ANKFY1: variants seen among roughly 807,000 people sequenced by gnomAD.
The protein encoded by ANKFY1 is ankyrin repeat and FYVE domain-containing protein 1.
Under a neutral mutation model 128.3 loss-of-function variants are expected in ANKFY1, and 47 were observed. The ratio of observed to expected loss-of-function variants is 0.37; its 90% CI spans 0.29 to 0.47. ANKFY1 has a LOEUF of 0.47. Among genes scored for constraint, ANKFY1 ranks in the 20% least tolerant of loss-of-function variants. ANKFY1 has a pLI of 1.00. For synonymous variants in ANKFY1, 553 were observed against 601.6 expected (o/e 0.92, Z 1.18); for missense variants, 1,222 against 1,510.6 (o/e 0.81, Z 3.17).
intron 3 of ANKFY1, chr17:4,223,486 G>C: frequency 1.7e-6 from 2 of 1,145,346 alleles, no homozygotes; most frequent in Admixed American, 3.4e-5. Context: ...CCGTCTCATG[G>C]ACTATCACTG....
chr17:4,232,728 A>G (rs1567965160), intron 3 of ANKFY1, among the ~76,000 whole-genome samples: 1 of 152,356 alleles, frequency 6.6e-6, no homozygotes, highest in South Asian at 2.1e-4. Context: ...CACTGAATTA[A>G]GGCCAGACAG....
chr17:4,168,978 T>G, intron 24 of ANKFY1: 1 of 528,966 alleles, frequency 1.9e-6, no homozygotes, highest in African/African-American at 1.9e-5. Context: ...ACCTTCAGCC[T>G]CCAGCAGGAA....
At chr17:4,206,238 T>C in intron 7 of ANKFY1, 83 bp downstream of exon 7, 1 of 1,476,014 alleles carries the variant, frequency 6.8e-7, no homozygotes, top group Non-Finnish European at 9.3e-7. Context: ...TTGAGAATTT[T>C]GGGAACAAGG....
intron 5 of ANKFY1, 148 bp from the exon 6 acceptor site, chr17:4,208,230 G>GAAGT: frequency 1.5e-6 from 1 of 653,296 alleles, no homozygotes; most frequent in Non-Finnish European, 2.4e-6. Context: ...AAAACCCAAT[G>GAAGT]AAGTAAGTAC....
At chr17:4,243,129 C>T (rs146133330) in intron 1 of ANKFY1, among the ~76,000 whole-genome samples, 1,586 of 152,102 alleles carry the variant, frequency 0.01, 15 homozygotes, top group Admixed American at 0.013. Context: ...TGCAGTGGTG[C>T]GATCTGGGCT....
intron 7 of ANKFY1, among the ~76,000 whole-genome samples, chr17:4,198,316 G>A (rs1007837831): frequency 4.6e-5 from 7 of 151,288 alleles, no homozygotes; most frequent in African/African-American, 7.3e-5. Context: ...TTGCATTCAC[G>A]TTCCTACTCA....
Position 4,167,081 on chromosome 17 carries a change from G to A in ANKFY1, c.*698C>T, listed in dbSNP as rs184642263. On this transcript the variant is annotated 3_prime_UTR_variant, in exon 25 of 25. Transcript: ENST00000341657. The surrounding 1 kb of genome is among the most constrained non-coding windows in gnomAD (Gnocchi z 4.1). ...ACGCAGCAAGACGAGAGAATGAGAC[G>A]GCTGCTACGAGGTGTCAAGCGGCCC... The A allele has an allele frequency of 8.5e-5, 13 of 152,684 alleles. No homozygotes were observed. Among genetic ancestry groups the A allele is most frequent in the Non-Finnish European group, 1.5e-4 (10 of 68,012 alleles). 9.5% of individuals were successfully genotyped at this position (152,684 alleles called of 1,614,324 possible).
At chr17:4,177,359 C>T in intron 18 of ANKFY1, 57 bp from the exon 19 acceptor site, 1 of 1,476,492 alleles carries the variant, frequency 6.8e-7, no homozygotes, top group South Asian at 1.4e-5. Flanking sequence ...ACCTCCTGAG[C>T]TTCATCTGCA....
At position 4,167,998 on chromosome 17, in the gene ANKFY1, G is replaced by A. The variant is rs913026716; in HGVS notation, c.3378-87C>T. ...CGTGAGGACAACCGCAGCAGGGCCT[G>A]GCAGCCAAGGCGCCCGCAATGCTAC... On this transcript the variant is annotated intron_variant, in intron 24 of 24. Transcript: ENST00000341657. The surrounding 1 kb of genome is among the most constrained non-coding windows in gnomAD (Gnocchi z 4.1). The A allele has an allele frequency of 8.9e-6, 13 of 1,453,700 alleles. No homozygotes were observed. Among genetic ancestry groups the A allele is most frequent in the Non-Finnish European group, 1.2e-5 (13 of 1,080,340 alleles). 90.1% of individuals were successfully genotyped at this position (1,453,700 alleles called of 1,614,324 possible). A position where few individuals can be genotyped will look rare whatever the true frequency, so the allele number is the denominator to read the frequency against.
In ANKFY1 at chr17:4,179,743, A is replaced by G; in HGVS notation, c.2375T>C (p.Phe792Ser). ...CACCTGTGCGTTCACGTTGGCACCA[A>G]ACTCCAGAAGACACTGTACTGTCTC... The part of the protein sequence containing the change: ...LEETVQCLLE[F>S]GANVNAQDAE... The change falls in exon 17 of 25, where the codon TTT becomes TCT. Residue 792 changes from phenylalanine (F) to serine (S), a missense_variant. Phe to Ser is a radical substitution (Grantham distance 155). Transcript: ENST00000341657. 1 of 1,614,184 alleles carries G rather than the reference A, an allele frequency of 6.2e-7. No individual in the cohort carries two copies. The highest frequency in any genetic ancestry group is 2.2e-5 in the East Asian group (1 of 44,890).
chr17:4,178,795 C>T lies in ANKFY1; in HGVS notation c.2598+62G>A. 6.6e-7 allele frequency: 1 copy of T among 1,505,768 alleles called. No individual in the cohort carries two copies. Among genetic ancestry groups the T allele is most frequent in the Non-Finnish European group, 9.2e-7 (1 of 1,087,130 alleles). The allele number at this position is 1,505,768 out of a possible 1,614,324, so 93.3% of individuals were successfully genotyped here. A position where few individuals can be genotyped will look rare whatever the true frequency, so the allele number is the denominator to read the frequency against. On this transcript the variant is annotated intron_variant, in intron 18 of 24. Coordinates refer to ENST00000341657, the MANE Select transcript of ANKFY1 (RefSeq NM_001330063.2). The surrounding 1 kb of genome is among the most constrained non-coding windows in gnomAD (Gnocchi z 4.1). Reference sequence around the variant, plus strand: ...GACCTGTTTAGTCGGTGACATCTGTCTAGTCTCCAGGTTCCGCGACGCCCA... The same window carrying T: ...GACCTGTTTAGTCGGTGACATCTGTTTAGTCTCCAGGTTCCGCGACGCCCA...
intron 2 of ANKFY1, among the ~76,000 whole-genome samples, chr17:4,238,616 G>C: frequency 6.6e-6 from 1 of 152,040 alleles, no homozygotes; most frequent in Admixed American, 6.6e-5. Flanking sequence ...TGGGATTACA[G>C]GTGCGCGCCA....
intron 19 of ANKFY1, among the ~76,000 whole-genome samples, chr17:4,176,822 A>G (rs2059419096): frequency 1.3e-5 from 2 of 152,268 alleles, no homozygotes; most frequent in South Asian, 4.1e-4. Flanking sequence ...TCAAAGTCCC[A>G]GTTGAATGCC....
chr17:4,193,202 CAT>C (rs111352275), intron 10 of ANKFY1, among the ~76,000 whole-genome samples: 4,278 of 152,282 alleles, frequency 0.028, 196 homozygotes, highest in African/African-American at 0.097. Flanking sequence ...TTTTCAAACA[CAT>C]GTCAGACTTT....
chr17:4,216,221 G>T (rs532866881), intron 4 of ANKFY1, among the ~76,000 whole-genome samples: 1 of 152,286 alleles, frequency 6.6e-6, no homozygotes, highest in African/African-American at 2.4e-5. Context: ...TAGGTGGAGT[G>T]CCTCCTGATG....
intron 3 of ANKFY1, chr17:4,223,824 G>GTCTGAC: frequency 6.7e-6 from 9 of 1,344,102 alleles, no homozygotes; most frequent in Non-Finnish European, 9.4e-6. Flanking sequence ...GGGGGCCTAC[G>GTCTGAC]TCTGACTCTT....
At chr17:4,176,730 G>A (rs1310198379) in intron 19 of ANKFY1, among the ~76,000 whole-genome samples, 5 of 152,184 alleles carry the variant, frequency 3.3e-5, no homozygotes, top group Non-Finnish European at 7.3e-5. Context: ...ATTCTTTCTC[G>A]GCCTACATTT....
Position 4,169,376 on chromosome 17 carries a change from CG to C in ANKFY1, c.3287-89del, listed in dbSNP as rs2059273116. ...CTTGGAGGCAGCAGGAACACAGACC[CG>C]TAAGTGAGGCAGCGCTGCCACATGA... On this transcript the variant is annotated intron_variant, in intron 23 of 24. Transcript: ENST00000341657. This position sits in a 1 kb window ranked among gnomAD's most constrained non-coding sequence, Gnocchi z 5.0. 1 of 988,534 alleles carries C rather than the reference CG, an allele frequency of 1.0e-6. No individual in the cohort carries two copies. The highest frequency in any genetic ancestry group is 1.6e-5 in the African/African-American group (1 of 61,954). The allele number at this position is 988,534 out of a possible 1,614,324, so 61.2% of individuals were successfully genotyped here. A position where few individuals can be genotyped will look rare whatever the true frequency, so the allele number is the denominator to read the frequency against.
In ANKFY1 at chr17:4,172,569, T is replaced by A; in HGVS notation, c.3126A>T (p.Ala1042=). 1 of 1,613,858 alleles carries A rather than the reference T, an allele frequency of 6.2e-7. No individual in the cohort carries two copies. The highest frequency in any genetic ancestry group is 8.5e-7 in the Non-Finnish European group (1 of 1,179,842). ...MPGYPLDKPD[A]DGSTVLLLAY... is the part of the protein sequence containing the mutation. Reference sequence around the variant, plus strand: ...CTTGGTACACACCCGTGCTGCCGTCTGCATCCGGCTTGTCCAGAGGATACC... The same window carrying A: ...CTTGGTACACACCCGTGCTGCCGTCAGCATCCGGCTTGTCCAGAGGATACC... Residue 1042 remains alanine, a synonymous_variant, in exon 22 of 25, where the codon GCA becomes GCT. Coordinates refer to ENST00000341657, the MANE Select transcript of ANKFY1 (RefSeq NM_001330063.2).
Sources: allele counts gnomAD v4.1 joint callset (sites outside exome capture counted in the v4.1 genomes callset), GRCh38; gene constraint gnomAD v4.1.1; non-coding constraint Gnocchi (gnomAD v3.1); transcripts MANE v1.5; gene names NCBI Gene and HGNC (gene_info 2026-07-23, HGNC 2026-07-21).